KCTD19: variants seen among roughly 807,000 people sequenced by gnomAD.
KCTD19 encodes the protein potassium channel tetramerization domain containing 19, also known as BTB/POZ domain-containing protein KCTD19.
A neutral mutation model predicts 103.5 loss-of-function variants in KCTD19; 67 were observed. The ratio of observed to expected loss-of-function variants is 0.65; its 90% confidence interval spans 0.53 to 0.79. The LOEUF (loss-of-function observed/expected upper bound fraction) is 0.79. Ranked by LOEUF, KCTD19 falls within the 30% of genes least tolerant of loss-of-function variation. The probability of loss-of-function intolerance (pLI) is 0.00; values close to 1 mark genes in which losing one functional copy is unlikely to be tolerated. For synonymous variants in KCTD19, 439 were observed against 452.2 expected (o/e 0.97, Z 0.37); for missense variants, 980 against 1,136.1 (o/e 0.86, Z 1.98).
At position 67,320,794 on chromosome 16, in the gene KCTD19, G is replaced by C. The variant is rs1247533097; in HGVS notation, c.95C>G (p.Ser32Cys). 6 of 1,614,162 alleles carry C rather than the reference G, an allele frequency of 3.7e-6. No homozygotes were observed. The highest frequency in any genetic ancestry group is 4.2e-6 in the Non-Finnish European group (5 of 1,180,024). The part of the protein sequence containing the change: ...WHFSVPRSKL[S>C]QFPDSLLWKE... ...CCACAGCAGGGAGTCTGGAAACTGA[G>C]AGAGTTTGCTTCTGGGAACTGAGAA... Residue 32 changes from serine (S) to cysteine (C), a missense_variant, in exon 2 of 16, where the codon TCT becomes TGT. Coordinates refer to ENST00000304372, the MANE Select transcript of KCTD19 (RefSeq NM_001100915.3). This position sits in a 1 kb window ranked among gnomAD's most constrained non-coding sequence, Gnocchi z 4.0.
chr16:67,322,170 T>C (rs1449970643), intron 1 of KCTD19, among the ~76,000 whole-genome samples: 2 of 152,162 alleles, frequency 1.3e-5, no homozygotes, highest in African/African-American at 2.4e-5. Context: ...TTATTAAAAA[T>C]GGTGCTGGGA....
intron 11 of KCTD19, 97 bp downstream of exon 11, chr16:67,294,483 G>C: frequency 1.2e-6 from 1 of 843,174 alleles, no homozygotes; most frequent in Non-Finnish European, 2.0e-6. Context: ...CTTTCATTTT[G>C]CTGCACCCAC....
chr16:67,297,273 C>T (rs972508241), intron 7 of KCTD19, among the ~76,000 whole-genome samples: 1 of 152,122 alleles, frequency 6.6e-6, no homozygotes, highest in Admixed American at 6.5e-5. Flanking sequence ...CCTGCGTGGC[C>T]CCAGACTGGG....
At chr16:67,308,241 T>C (rs1237074372) in intron 2 of KCTD19, among the ~76,000 whole-genome samples, 1 of 150,392 alleles carries the variant, frequency 6.6e-6, no homozygotes, top group Non-Finnish European at 1.5e-5. Context: ...TCATGGCTCA[T>C]TGCAGCCTTG....
intron 14 of KCTD19, 143 bp downstream of exon 14, chr16:67,291,166 T>G: frequency 8.4e-7 from 1 of 1,196,032 alleles, no homozygotes; most frequent in Non-Finnish European, 1.2e-6. Context: ...CTTGCCTCCC[T>G]GTCCCACCAC....
chr16:67,295,699 A>G, intron 8 of KCTD19: 1 of 348,064 alleles, frequency 2.9e-6, no homozygotes, highest in Non-Finnish European at 5.3e-6. Flanking sequence ...TCCCTATGCA[A>G]ACTCTGGAGG....
intron 5 of KCTD19, 134 bp from the exon 6 acceptor site, chr16:67,299,707 C>A (rs2036812905): frequency 1.4e-5 from 9 of 660,574 alleles, no homozygotes; most frequent in Non-Finnish European, 2.3e-5. Context: ...TTTGCACAGT[C>A]CAAATCAAGA....
intron 2 of KCTD19, among the ~76,000 whole-genome samples, chr16:67,319,470 G>C (rs941280137): frequency 6.6e-6 from 1 of 152,188 alleles, no homozygotes; most frequent in East Asian, 1.9e-4. Context: ...TAAACACCTT[G>C]TACAGATGGT....
chr16:67,297,469 T>C, intron 7 of KCTD19, 34 bp downstream of exon 7: 1 of 1,607,064 alleles, frequency 6.2e-7, no homozygotes. Context: ...ACTCCCCTGA[T>C]GCTAAATTCA....
chr16:67,298,938 C>G (rs1274152125), intron 6 of KCTD19, among the ~76,000 whole-genome samples: 1 of 152,260 alleles, frequency 6.6e-6, no homozygotes, highest in East Asian at 1.9e-4. Flanking sequence ...CTGCCCTGCC[C>G]TGCTTCTAAG....
chr16:67,299,776 G>C (rs2036813896), intron 5 of KCTD19: 1 of 561,818 alleles, frequency 1.8e-6, no homozygotes, highest in Non-Finnish European at 3.1e-6. Flanking sequence ...ATAACTATTT[G>C]TTGGGAGGTG....
rs548830191 is a variant in KCTD19 at position 67,290,748 on chromosome 16, C to T, written c.2667+137G>A. On this transcript the variant is annotated intron_variant, in intron 15 of 15. Transcript: ENST00000304372. Reference sequence around the variant, plus strand: ...TTGGTTAATTTCATGCAGTTTCTCCCTCCCTGGGAGCAGTGGCCTAAGCTG... The same window carrying T: ...TTGGTTAATTTCATGCAGTTTCTCCTTCCCTGGGAGCAGTGGCCTAAGCTG... 8.2e-5 allele frequency: 58 copies of T among 704,602 alleles called. No individual in the cohort carries two copies. The South Asian group carries it at 1.1e-3, about 14-fold the overall frequency. 43.6% of individuals were successfully genotyped at this position (704,602 alleles called of 1,614,324 possible). A position where few individuals can be genotyped will look rare whatever the true frequency, so the allele number is the denominator to read the frequency against.
intron 4 of KCTD19, chr16:67,302,526 G>A (rs1054702423): frequency 3.9e-5 from 6 of 155,652 alleles, no homozygotes; most frequent in African/African-American, 1.4e-4. Flanking sequence ...AGCATCTTGG[G>A]GTCAAAGAGA....
At position 67,320,808 on chromosome 16, in the gene KCTD19, G is replaced by A; in HGVS notation, c.81C>T (p.Pro27=). The part of the protein sequence containing the change: ...FNVGGWHFSV[P]RSKLSQFPDS... ...CTGGAAACTGAGAGAGTTTGCTTCT[G>A]GGAACTGAGAAATGCCAGCCCCCTA... Residue 27 remains proline, a synonymous_variant, in exon 2 of 16, where the codon CCC becomes CCT. Coordinates refer to ENST00000304372, the MANE Select transcript of KCTD19 (RefSeq NM_001100915.3). The surrounding 1 kb of genome is among the most constrained non-coding windows in gnomAD (Gnocchi z 4.0). 1 of 1,614,142 alleles carries A rather than the reference G, an allele frequency of 6.2e-7. No homozygotes were observed. The highest frequency in any genetic ancestry group is 8.5e-7 in the Non-Finnish European group (1 of 1,180,018).
At chr16:67,316,447 G>A (rs958030397) in intron 2 of KCTD19, among the ~76,000 whole-genome samples, 1 of 152,044 alleles carries the variant, frequency 6.6e-6, no homozygotes, top group Admixed American at 6.6e-5. Context: ...AAGCAGATTC[G>A]ATGTAAATGT....
At chr16:67,299,841 T>C in intron 5 of KCTD19, 1 of 503,600 alleles carries the variant, frequency 2.0e-6, no homozygotes, top group Non-Finnish European at 3.5e-6. Flanking sequence ...ATTTCCTAAG[T>C]TTCAGGAAAG....
chr16:67,306,464 C>T (rs977300981), intron 2 of KCTD19, among the ~76,000 whole-genome samples: 3 of 152,186 alleles, frequency 2.0e-5, no homozygotes, highest in Non-Finnish European at 2.9e-5. Context: ...TGGGGTTTCA[C>T]CATGTTGGCC....
intron 1 of KCTD19, among the ~76,000 whole-genome samples, chr16:67,322,583 C>G (rs1479555969): frequency 6.6e-6 from 1 of 152,164 alleles, no homozygotes; most frequent in Non-Finnish European, 1.5e-5. Context: ...CAGGCGTGAG[C>G]CACTGCACCC....
At position 67,294,988 on chromosome 16, in the gene KCTD19, T is replaced by C; in HGVS notation, c.1460A>G (p.Gln487Arg). The C allele has an allele frequency of 1.2e-6, 2 of 1,613,370 alleles. No homozygotes were observed. Among genetic ancestry groups the C allele is most frequent in the Non-Finnish European group, 8.5e-7 (1 of 1,179,322 alleles). ...GTTTTCTTACTTGTATGCTTCACAT[T>C]GTGCAAGGGCTTCTGAGAGGGATGG... Reference protein sequence around the residue: ...HIPSLSEALAQCEAYKSWTQE... With the variant: ...HIPSLSEALARCEAYKSWTQE... Residue 487 changes from glutamine to arginine, a missense_variant, in exon 10 of 16, where the codon CAA becomes CGA. By Grantham distance (43) the Gln-to-Arg change is conservative. Coordinates refer to ENST00000304372, the MANE Select transcript of KCTD19 (RefSeq NM_001100915.3).
Sources: allele counts gnomAD v4.1 joint callset (sites outside exome capture counted in the v4.1 genomes callset), GRCh38; gene constraint gnomAD v4.1.1; non-coding constraint Gnocchi (gnomAD v3.1); transcripts MANE v1.5; gene names NCBI Gene and HGNC (gene_info 2026-07-23, HGNC 2026-07-21).